The following ART3 variants were observed in gnomAD, a reference collection of about 807,000 sequenced individuals.
The protein encoded by ART3 is ecto-ADP-ribosyltransferase 3.
A neutral mutation model predicts 48.5 loss-of-function variants in ART3; 49 were observed. The ratio of observed to expected loss-of-function variants is 1.01; its 90% CI spans 0.80 to 1.28. ART3 has a LOEUF of 1.28. Ranked by LOEUF, ART3 falls within the 50% of genes most tolerant of loss-of-function variation. The pLI is 0.00. For synonymous variants in ART3, 145 were observed against 157.2 expected, an observed-to-expected ratio of 0.92 and a Z score of 0.58; for missense variants, 438 against 454.3, an observed-to-expected ratio of 0.96 and a Z score of 0.33.
chr4:76,098,063 T>C (rs1726411809), intron 4 of ART3, among the ~76,000 whole-genome samples: 1 of 152,216 alleles, frequency 6.6e-6, no homozygotes, highest in African/African-American at 2.4e-5. Context: ...TCCTGTATTT[T>C]GTTATCTTAG....
At chr4:76,099,149 A>G (rs775298641) in intron 5 of ART3, 162 bp downstream of exon 5, 4 of 649,436 alleles carry the variant, frequency 6.2e-6, no homozygotes, top group Non-Finnish European at 5.6e-6. Context: ...AAAAAATACA[A>G]AACTTAGCCA....
chr4:76,080,462 G>A (rs1722210788), intron 2 of ART3, among the ~76,000 whole-genome samples: 1 of 152,058 alleles, frequency 6.6e-6, no homozygotes, highest in African/African-American at 2.4e-5. Context: ...AATTCTCACA[G>A]CCATCCCACA....
intron 1 of ART3, among the ~76,000 whole-genome samples, chr4:76,019,150 A>G (rs148716507): frequency 9.9e-4 from 150 of 152,202 alleles, no homozygotes; most frequent in Middle Eastern, 3.4e-3. Context: ...GCCCCACCAA[A>G]AGATGAAAAA....
At chr4:76,050,591 C>T (rs931876437) in intron 1 of ART3, among the ~76,000 whole-genome samples, 1 of 152,234 alleles carries the variant, frequency 6.6e-6, no homozygotes, top group Admixed American at 6.5e-5. Flanking sequence ...CAGCTGGCTT[C>T]ACGCAGTGGA....
intron 2 of ART3, among the ~76,000 whole-genome samples, chr4:76,079,012 C>G (rs111704035): frequency 0.037 from 5,627 of 152,072 alleles, 313 homozygotes; most frequent in African/African-American, 0.12. Context: ...ACCCGGCAGG[C>G]GGAGCTTGCA....
At chr4:76,064,172 A>G (rs563448766) in intron 1 of ART3, among the ~76,000 whole-genome samples, 1 of 152,222 alleles carries the variant, frequency 6.6e-6, no homozygotes. Context: ...AAGAATAAGA[A>G]CAAAATGGAT....
intron 8 of ART3, among the ~76,000 whole-genome samples, chr4:76,103,117 G>A (rs17001391): frequency 0.041 from 6,230 of 152,070 alleles, 384 homozygotes; most frequent in African/African-American, 0.13. Context: ...TCTTATTCTC[G>A]TCCTTAGGAA....
At chr4:76,090,134 C>T (rs929623370) in intron 3 of ART3, among the ~76,000 whole-genome samples, 4 of 152,036 alleles carry the variant, frequency 2.6e-5, no homozygotes, top group Non-Finnish European at 5.9e-5. Flanking sequence ...ACACCTCAGC[C>T]ACTGTTTAGA....
At chr4:76,060,105 A>G (rs1018124384) in intron 1 of ART3, among the ~76,000 whole-genome samples, 2 of 151,478 alleles carry the variant, frequency 1.3e-5, no homozygotes, top group African/African-American at 4.9e-5. Flanking sequence ...GTCTTAAAAA[A>G]CTCATTTCCG....
At chr4:76,034,436 C>G (rs1734157311) in intron 1 of ART3, 2 of 482,650 alleles carry the variant, frequency 4.1e-6, no homozygotes, top group African/African-American at 2.0e-5. Context: ...AGAAGGTTCT[C>G]TAGCCTAGAA....
intron 1 of ART3, among the ~76,000 whole-genome samples, chr4:76,052,629 A>G (rs140023394): frequency 6.6e-6 from 1 of 152,044 alleles, no homozygotes; most frequent in African/African-American, 2.4e-5. Context: ...TCCACTGTCT[A>G]TCATTCCATA....
Position 76,082,029 on chromosome 4 carries a change from A to G in ART3, c.275A>G (p.Asp92Gly), listed in dbSNP as rs1158506452. 4 of 1,614,246 alleles carry G rather than the reference A, an allele frequency of 2.5e-6. No individual in the cohort carries two copies. The highest frequency in any genetic ancestry group is 2.2e-5 in the South Asian group (2 of 91,082). The change falls in exon 3 of 12, where the codon GAT (aspartate) becomes GGT (glycine). Residue 92 changes from aspartate to glycine, a missense_variant. This residue lies in a region of ART3 where 206 missense variants were observed against 205.3 expected (regional missense o/e 1.00). Transcript: ENST00000355810. ...ATCTTTCTCCCTATGAATTTTAAGG[A>G]TAACCATGGAATAGCCCTGATGGCA... ...TQIFLPMNFK[D>G]NHGIALMAYI...
At chr4:76,034,868 C>G (rs764150862) in intron 1 of ART3, 3 of 1,507,856 alleles carry the variant, frequency 2.0e-6, no homozygotes, top group South Asian at 2.3e-5. Context: ...TTGTTTCCCC[C>G]AGGACATCTA....
At chr4:76,104,670 T>C (rs1728081633) in intron 10 of ART3, 41 bp downstream of exon 10, 10 of 1,550,438 alleles carry the variant, frequency 6.4e-6, no homozygotes, top group South Asian at 1.2e-5. Context: ...ACATGCCAGT[T>C]TGGGGAGTAC....
At chr4:76,099,556 A>G in intron 5 of ART3, 1 of 161,584 alleles carries the variant, frequency 6.2e-6, no homozygotes, top group Non-Finnish European at 1.4e-5. Flanking sequence ...GTCATTCTTG[A>G]CCAGTTATGA....
intron 6 of ART3, 49 bp from the exon 7 acceptor site, chr4:76,100,746 A>C: frequency 6.3e-7 from 1 of 1,594,838 alleles, no homozygotes; most frequent in Non-Finnish European, 8.5e-7. Context: ...GTAACTGCCA[A>C]TTCTTTTGTT....
upstream of ART3, among the ~76,000 whole-genome samples, chr4:76,074,322 A>G (rs954014410): frequency 2.0e-5 from 3 of 152,186 alleles, no homozygotes; most frequent in Admixed American, 6.5e-5. Context: ...GGTACCTGAA[A>G]TATAGTAAGC....
At chr4:76,100,868 A>T in intron 7 of ART3, 44 bp downstream of exon 7, 1 of 1,607,232 alleles carries the variant, frequency 6.2e-7, no homozygotes, top group African/African-American at 1.3e-5. Flanking sequence ...ATTTTACAAG[A>T]TACCTCCCTT....
At chr4:76,060,962 T>G (rs1322117409) in intron 1 of ART3, among the ~76,000 whole-genome samples, 1 of 152,226 alleles carries the variant, frequency 6.6e-6, no homozygotes. Context: ...AGAAAGTAAC[T>G]TAGCCCTGCC....
Sources: gnomAD v4.1 joint callset for allele counts (sites outside exome capture counted in the v4.1 genomes callset) on GRCh38, gnomAD v4.1.1 for gene constraint, gnomAD v4.1.1 regional missense constraint, MANE v1.5 for transcripts, NCBI Gene and HGNC (gene_info 2026-07-23, HGNC 2026-07-21) for gene names.